Variants in ARMC2 observed in about 807,000 individuals in gnomAD.
ARMC2 encodes armadillo repeat containing 2.
A neutral mutation model predicts 90.3 loss-of-function variants in ARMC2; 67 were observed. The ratio of observed to expected loss-of-function variants is 0.74; its 90% CI spans 0.61 to 0.91. ARMC2 has a LOEUF of 0.91. Ranked by LOEUF, ARMC2 falls within the 40% of genes least tolerant of loss-of-function variation. ARMC2 has a pLI of 0.00. For synonymous variants in ARMC2, 393 were observed against 393.0 expected, an observed-to-expected ratio of 1.00 and a Z score of 0.00; for missense variants, 920 against 1,030.9, an observed-to-expected ratio of 0.89 and a Z score of 1.47.
chr6:109,038,679 T>C, the ARMC2 span, among the ~76,000 whole-genome samples: 4 of 152,252 alleles, frequency 2.6e-5, no homozygotes, highest in Non-Finnish European at 4.4e-5. Context: ...GAATTGCCTA[T>C]GCAATTTATA....
At chr6:109,006,281 T>C in the ARMC2 span, among the ~76,000 whole-genome samples, 3 of 152,190 alleles carry the variant, frequency 2.0e-5, no homozygotes, top group African/African-American at 7.2e-5. Context: ...GCATAACTGA[T>C]GAAAGCCCTG....
chr6:108,992,662 G>A, the ARMC2 span: 1 of 684,620 alleles, frequency 1.5e-6, no homozygotes, highest in East Asian at 2.7e-5. Context: ...CTTTTATTCT[G>A]AAACAAGACG....
intron 5 of ARMC2, among the ~76,000 whole-genome samples, chr6:108,890,419 A>C (rs1313103284): frequency 2.0e-5 from 3 of 151,850 alleles, no homozygotes; most frequent in African/African-American, 7.3e-5. Context: ...GAGTCATTGC[A>C]TTCAATTTAA....
At chr6:108,867,782 A>C (rs2128427546) in intron 3 of ARMC2, among the ~76,000 whole-genome samples, 1 of 152,104 alleles carries the variant, frequency 6.6e-6, no homozygotes, top group East Asian at 1.9e-4. Flanking sequence ...AAAAAAAAAA[A>C]AAGTTAGCTG....
intron 5 of ARMC2, among the ~76,000 whole-genome samples, chr6:108,888,020 C>T (rs878925910): frequency 1.3e-5 from 2 of 152,188 alleles, no homozygotes; most frequent in Admixed American, 1.3e-4. Context: ...ACCACCAAAC[C>T]GCTAATGTCA....
At chr6:108,896,297 A>G (rs532745544) in intron 6 of ARMC2, among the ~76,000 whole-genome samples, 1 of 152,288 alleles carries the variant, frequency 6.6e-6, no homozygotes, top group Admixed American at 6.5e-5. Flanking sequence ...TGACTTACCC[A>G]ATTTCCTGTT....
At chr6:109,022,459 G>A in the ARMC2 span, among the ~76,000 whole-genome samples, 1 of 89,218 alleles carries the variant, frequency 1.1e-5, no homozygotes. Flanking sequence ...ATCTCATTCT[G>A]TTGCCCAGGC....
chr6:109,037,099 T>C, the ARMC2 span, among the ~76,000 whole-genome samples: 2 of 152,284 alleles, frequency 1.3e-5, no homozygotes, highest in African/African-American at 2.4e-5. Context: ...GAAAACTTTC[T>C]AAGTAGTAAA....
chr6:109,047,712 A>T, the ARMC2 span, among the ~76,000 whole-genome samples: 1 of 145,882 alleles, frequency 6.9e-6, no homozygotes, highest in African/African-American at 2.5e-5. Context: ...GTGTAGAAAG[A>T]AGTAGACATG....
At chr6:109,013,874 A>G in the ARMC2 span, among the ~76,000 whole-genome samples, 1 of 152,158 alleles carries the variant, frequency 6.6e-6, no homozygotes, top group Non-Finnish European at 1.5e-5. Context: ...TTTCTCCTCC[A>G]GCTCATATCT....
intron 6 of ARMC2, among the ~76,000 whole-genome samples, chr6:108,896,111 T>C (rs1771590372): frequency 6.6e-6 from 1 of 152,216 alleles, no homozygotes; most frequent in Non-Finnish European, 1.5e-5. Context: ...CAGGAAAATC[T>C]TAGATATACT....
rs567205904 is a variant in ARMC2, at chr6:108,970,419, C to T, written c.2447-2938C>T. On this transcript the variant is annotated intron_variant, in intron 17 of 17. Transcript: ENST00000392644. ...ACATGCCCAGGCCACACTGCTCAGC[C>T]GCCAGCAGCTTGGGAAAGAAGGGCT... Among the ~76,000 whole-genome samples, 13 of 151,996 alleles carry T rather than the reference C, an allele frequency of 8.6e-5. No homozygotes were observed. In the East Asian group the frequency reaches 1.2e-3, roughly 14 times the overall value.
rs144381635 is a variant in ARMC2 at position 108,932,186 on chromosome 6, G to A, written c.1496+3953G>A. On this transcript the variant is annotated intron_variant, in intron 11 of 17. Coordinates refer to ENST00000392644, the MANE Select transcript of ARMC2 (RefSeq NM_032131.6). ...GCAAATATTTTCTCCAATTCTGTAG[G>A]TTGTCTGTTTACTCTGTTGATAGTT... Among the ~76,000 whole-genome samples the A allele has an allele frequency of 5.3e-3, 800 of 152,066 alleles. 6 individuals carry two copies. The highest frequency in any genetic ancestry group is 9.2e-3 in the Non-Finnish European group (627 of 68,026).
At chr6:108,873,487 G>T (rs1251753148) in intron 4 of ARMC2, among the ~76,000 whole-genome samples, 1 of 152,148 alleles carries the variant, frequency 6.6e-6, no homozygotes, top group Non-Finnish European at 1.5e-5. Flanking sequence ...GGAACCCCTT[G>T]TTGTTCACCA....
chr6:108,906,553 C>A (rs1772750730), intron 8 of ARMC2, among the ~76,000 whole-genome samples: 1 of 152,036 alleles, frequency 6.6e-6, no homozygotes, highest in African/African-American at 2.4e-5. Context: ...GAGATCACAG[C>A]TCACTGCAGT....
chr6:109,037,025 C>T, the ARMC2 span, among the ~76,000 whole-genome samples: 1 of 152,096 alleles, frequency 6.6e-6, no homozygotes, highest in African/African-American at 2.4e-5. Flanking sequence ...TTCTACAGGG[C>T]CCCCGCCCAT....
intron 12 of ARMC2, 99 bp downstream of exon 12, chr6:108,937,098 C>T: frequency 9.5e-7 from 1 of 1,048,350 alleles, no homozygotes; most frequent in Non-Finnish European, 1.4e-6. Context: ...ATATAGGTTT[C>T]TATAAGAAAC....
the ARMC2 span, among the ~76,000 whole-genome samples, chr6:108,980,164 A>G: frequency 6.6e-6 from 1 of 152,054 alleles, no homozygotes; most frequent in East Asian, 1.9e-4. Context: ...GGTGTCCTTC[A>G]GGTGAGGTCT....
In ARMC2 at chr6:108,911,335, T is replaced by G. The variant is rs1583087988; in HGVS notation, c.1126+334T>G. Among the ~76,000 whole-genome samples, 11 of 152,306 alleles carry G rather than the reference T, an allele frequency of 7.2e-5. No individual in the cohort carries two copies. The South Asian group carries it at 2.3e-3, about 32-fold the overall frequency. On this transcript the variant is annotated intron_variant, in intron 9 of 17. Coordinates refer to ENST00000392644, the MANE Select transcript of ARMC2 (RefSeq NM_032131.6). ...TTTGACATAGTTGAAAATTTTAGTCTTTTAATATACTAGGGATGACTAAAA... is the reference window on the plus strand; with the variant it reads ...TTTGACATAGTTGAAAATTTTAGTCGTTTAATATACTAGGGATGACTAAAA...
Sources: allele counts gnomAD v4.1 joint callset (sites outside exome capture counted in the v4.1 genomes callset), GRCh38; gene constraint gnomAD v4.1.1; transcripts MANE v1.5; gene names NCBI Gene and HGNC (gene_info 2026-07-23, HGNC 2026-07-21).